TGFB2: variants seen among roughly 807,000 people sequenced by gnomAD.
TGFB2 encodes the protein transforming growth factor beta-2 proprotein.
In TGFB2, 13 loss-of-function variants were observed where a neutral mutation model predicts 42.7. The observed-to-expected ratio is 0.30, with a 90% CI of 0.20 to 0.48. The LOEUF (loss-of-function observed/expected upper bound fraction) is 0.48, where lower values mean the gene tolerates loss of function less well. TGFB2 is among the 20% of genes least tolerant of loss of function. The pLI is 0.99. For synonymous variants in TGFB2, 193 were observed against 193.6 expected (o/e 1.00, Z 0.03); for missense variants, 390 against 517.5 (o/e 0.75, Z 2.39).
chr1:218,389,515 C>G lies in TGFB2; in HGVS notation c.347-15654C>G, dbSNP rs973254050. 4.6e-5 allele frequency among the ~76,000 whole-genome samples: 7 copies of G among 152,330 alleles called. No homozygotes were observed. The East Asian group carries it at 1.4e-3, about 29-fold the overall frequency. On this transcript the variant is annotated intron_variant, in intron 1 of 6. Transcript: ENST00000366930. ...CCAGTGCTACAGTCAGACAGCAGCA[C>G]AGCTTGCTTCCGGCTGAAGAACATT... is the stretch of plus-strand genomic sequence containing the variant.
chr1:218,379,541 C>T (rs1657890692), intron 1 of TGFB2, among the ~76,000 whole-genome samples: 1 of 113,134 alleles, frequency 8.8e-6, no homozygotes, highest in South Asian at 2.6e-4. Flanking sequence ...TAATTTGATG[C>T]TGTCTTTCTT....
intron 1 of TGFB2, among the ~76,000 whole-genome samples, chr1:218,354,483 T>A (rs1436027585): frequency 6.6e-6 from 1 of 152,216 alleles, no homozygotes; most frequent in Non-Finnish European, 1.5e-5. Flanking sequence ...TATTGAAGAC[T>A]TATAAACCAA....
chr1:218,352,609 T>C (rs1000755030), intron 1 of TGFB2, among the ~76,000 whole-genome samples: 1 of 152,188 alleles, frequency 6.6e-6, no homozygotes, highest in Admixed American at 6.5e-5. Context: ...CTGCTTTTGA[T>C]GGTTGGCTGT....
intron 1 of TGFB2, among the ~76,000 whole-genome samples, chr1:218,377,139 T>G (rs1178046927): frequency 6.6e-6 from 1 of 152,136 alleles, no homozygotes; most frequent in Non-Finnish European, 1.5e-5. Flanking sequence ...GCTCAAGGGA[T>G]CCTCCTAAAG....
chr1:218,382,454 C>A (rs1657996251), intron 1 of TGFB2, among the ~76,000 whole-genome samples: 1 of 152,218 alleles, frequency 6.6e-6, no homozygotes, highest in African/African-American at 2.4e-5. Context: ...TGCCCCAAGA[C>A]ACATACACAC....
intron 2 of TGFB2, among the ~76,000 whole-genome samples, chr1:218,428,109 T>A (rs1463248132): frequency 6.6e-6 from 1 of 152,264 alleles, no homozygotes; most frequent in Non-Finnish European, 1.5e-5. Context: ...TTTTCATGTA[T>A]CTGTTGGCTG....
chr1:218,443,011 T>C lies in TGFB2; in HGVS notation c.*1649T>C, dbSNP rs1422188498. The stretch of plus-strand genomic sequence containing the variant: ...TCAGGGGGAAATTGAAAGATATATA[T>C]TTTAGTCGATTTTTCAAAAGGGGAA... On this transcript the variant is annotated 3_prime_UTR_variant, in exon 7 of 7. Coordinates refer to ENST00000366930, the MANE Select transcript of TGFB2 (RefSeq NM_003238.6). The C allele has an allele frequency of 6.6e-6, 1 of 152,174 alleles. No homozygotes were observed. The highest frequency in any genetic ancestry group is 1.5e-5 in the Non-Finnish European group (1 of 68,008). The allele number at this position is 152,174 out of a possible 1,614,324, so 9.4% of individuals were successfully genotyped here.
intron 1 of TGFB2, among the ~76,000 whole-genome samples, chr1:218,364,826 A>G (rs1020090143): frequency 2.0e-5 from 3 of 152,184 alleles, no homozygotes; most frequent in African/African-American, 7.2e-5. Flanking sequence ...TGTGAATAAA[A>G]AGAGTGAAAA....
intron 1 of TGFB2, among the ~76,000 whole-genome samples, chr1:218,377,771 G>T (rs73110335): frequency 6.6e-6 from 1 of 151,876 alleles, no homozygotes; most frequent in Admixed American, 6.6e-5. Context: ...GCAGAAGCAG[G>T]ACAGATGCTT....
intron 5 of TGFB2, 81 bp downstream of exon 5, chr1:218,436,228 G>T: frequency 6.9e-7 from 1 of 1,455,604 alleles, no homozygotes; most frequent in South Asian, 1.3e-5. Flanking sequence ...ACTGTGTATT[G>T]ACCCAAGTGG....
intron 1 of TGFB2, among the ~76,000 whole-genome samples, chr1:218,352,595 C>G (rs1198098678): frequency 6.6e-6 from 1 of 152,190 alleles, no homozygotes; most frequent in Non-Finnish European, 1.5e-5. Context: ...GCTACAACCA[C>G]AAGCTGCTTT....
rs1279879839 is a variant in TGFB2 at position 218,443,138 on chromosome 1, A to G, written c.*1776A>G. ...GAAAAGGCACAAGCCAATTTTTCCT[A>G]TGATCAAAAAATTCTTTCTTTCCTC... is the stretch of plus-strand genomic sequence containing the variant. On this transcript the variant is annotated 3_prime_UTR_variant, in exon 7 of 7. Coordinates refer to ENST00000366930, the MANE Select transcript of TGFB2 (RefSeq NM_003238.6). 2.0e-5 allele frequency: 3 copies of G among 152,366 alleles called. No individual in the cohort carries two copies. Among genetic ancestry groups the G allele is most frequent in the East Asian group, 3.9e-4 (2 of 5,192 alleles). The allele number at this position is 152,366 out of a possible 1,614,324, so 9.4% of individuals were successfully genotyped here. A position where few individuals can be genotyped will look rare whatever the true frequency, so the allele number is the denominator to read the frequency against.
rs1438391318 is a variant in TGFB2 at position 218,414,251 on chromosome 1, ACACG to A, written c.510+8923_510+8926del. 8.2e-3 allele frequency among the ~76,000 whole-genome samples: 1,253 copies of A among 152,118 alleles called. 12 individuals are homozygous for A. Among genetic ancestry groups the A allele is most frequent in the African/African-American group, 0.028 (1,166 of 41,470 alleles). On this transcript the variant is annotated intron_variant, in intron 2 of 6. Coordinates refer to ENST00000366930, the MANE Select transcript of TGFB2 (RefSeq NM_003238.6). ...TGCACACACACACACACACACACAC[ACACG>A]CACACACGGTTCAGCTTTCATTTCT...
At chr1:218,411,674 G>A (rs553797489) in intron 2 of TGFB2, among the ~76,000 whole-genome samples, 1 of 152,162 alleles carries the variant, frequency 6.6e-6, no homozygotes, top group Admixed American at 6.5e-5. Context: ...GTTCAAGCCT[G>A]GGCAACATGG....
intron 2 of TGFB2, among the ~76,000 whole-genome samples, chr1:218,426,166 C>T (rs1659617550): frequency 6.6e-6 from 1 of 152,126 alleles, no homozygotes. Context: ...ATTGAATAGC[C>T]CCATGGTCTC....
chr1:218,436,159 A>G lies in TGFB2; in HGVS notation c.932+12A>G. 1 of 1,604,950 alleles carries G rather than the reference A, an allele frequency of 6.2e-7. No individual in the cohort carries two copies. The highest frequency in any genetic ancestry group is 8.5e-7 in the Non-Finnish European group (1 of 1,176,980). On this transcript the variant is annotated intron_variant, in intron 5 of 6. Coordinates refer to ENST00000366930, the MANE Select transcript of TGFB2 (RefSeq NM_003238.6). ...GCCTATTGCTTTAGGTAAAGGAAAG[A>G]AAAGTAAAACCAAGTAATTGCATCT...
intron 1 of TGFB2, among the ~76,000 whole-genome samples, chr1:218,356,697 C>T (rs1022408009): frequency 6.6e-6 from 1 of 152,114 alleles, no homozygotes; most frequent in South Asian, 2.1e-4. Flanking sequence ...GGGCTGGTTT[C>T]GCTTCTCCTC....
chr1:218,348,714 T>C (rs766583373), intron 1 of TGFB2, among the ~76,000 whole-genome samples: 1 of 152,222 alleles, frequency 6.6e-6, no homozygotes, highest in Non-Finnish European at 1.5e-5. Context: ...TCCAAAACCA[T>C]TGAGACAAAC....
intron 1 of TGFB2, among the ~76,000 whole-genome samples, chr1:218,392,795 C>T (rs1008082748): frequency 7.2e-5 from 11 of 152,288 alleles, no homozygotes; most frequent in African/African-American, 2.6e-4. Flanking sequence ...TATTCCTCTT[C>T]GTATTTATTC....
Sources: allele counts gnomAD v4.1 joint callset (sites outside exome capture counted in the v4.1 genomes callset), GRCh38; gene constraint gnomAD v4.1.1; transcripts MANE v1.5; gene names NCBI Gene and HGNC (gene_info 2026-07-23, HGNC 2026-07-21).